Variants in ADAMTS16 observed in about 807,000 individuals in gnomAD.
The protein encoded by ADAMTS16 is A disintegrin and metalloproteinase with thrombospondin motifs 16.
A neutral mutation model predicts 145.8 loss-of-function variants in ADAMTS16; 94 were observed. The ratio of observed to expected loss-of-function variants is 0.64; its 90% CI spans 0.55 to 0.77. The LOEUF (loss-of-function observed/expected upper bound fraction) is 0.77. Among genes scored for constraint, ADAMTS16 ranks in the 30% least tolerant of loss-of-function variants. The pLI is 0.00. For synonymous variants in ADAMTS16, 659 were observed against 604.3 expected, an observed-to-expected ratio of 1.09 and a Z score of -1.33; for missense variants, 1,585 against 1,591.5, an observed-to-expected ratio of 1.00 and a Z score of 0.07.
At chr5:5,239,066 G>C in intron 14 of ADAMTS16, 85 bp from the exon 15 acceptor site, 1 of 1,358,786 alleles carries the variant, frequency 7.4e-7, no homozygotes, top group African/African-American at 1.5e-5. Flanking sequence ...CTAGTGGGGA[G>C]GAGGTTTCTT....
At chr5:5,186,280 C>G (rs929397139) in intron 5 of ADAMTS16, 29 bp downstream of exon 5, 2 of 1,594,566 alleles carry the variant, frequency 1.3e-6, no homozygotes, top group Non-Finnish European at 1.7e-6. Flanking sequence ...TTGAGGCCAC[C>G]TGTGTCATTG....
chr5:5,195,659 G>T (rs1456937018), intron 8 of ADAMTS16, among the ~76,000 whole-genome samples: 1 of 152,160 alleles, frequency 6.6e-6, no homozygotes, highest in Non-Finnish European at 1.5e-5. Flanking sequence ...GACCATTGAG[G>T]TGCTATAAAA....
chr5:5,211,153 AG>A (rs1736263787), intron 10 of ADAMTS16, among the ~76,000 whole-genome samples: 1 of 152,186 alleles, frequency 6.6e-6, no homozygotes, highest in Admixed American at 6.5e-5. Context: ...AGTTTGTAAA[AG>A]ATTGGTGTTG....
At chr5:5,256,048 T>C (rs1397434257) in intron 17 of ADAMTS16, among the ~76,000 whole-genome samples, 1 of 152,230 alleles carries the variant, frequency 6.6e-6, no homozygotes, top group African/African-American at 2.4e-5. Flanking sequence ...CTGATCTTCT[T>C]TTTGCTCTAT....
At chr5:5,214,902 T>C (rs12654769) in intron 10 of ADAMTS16, among the ~76,000 whole-genome samples, 8,667 of 152,260 alleles carry the variant, frequency 0.057, 295 homozygotes, top group East Asian at 0.09. Context: ...AAAGGGCCTA[T>C]TTTGTTCAGA....
intron 9 of ADAMTS16, among the ~76,000 whole-genome samples, chr5:5,202,349 C>A (rs1346423383): frequency 6.6e-6 from 1 of 152,062 alleles, no homozygotes; most frequent in Non-Finnish European, 1.5e-5. Context: ...AACCTGTATT[C>A]TGGGAATATA....
chr5:5,269,767 G>C lies in ADAMTS16; in HGVS notation c.2789+6984G>C, dbSNP rs1414563086. Reference sequence around the variant, plus strand: ...CTACGCTTGGTCTTTCTGGTATTGAGAGATTTGGAGCTGAAGACATCCCTG... The same window carrying C: ...CTACGCTTGGTCTTTCTGGTATTGACAGATTTGGAGCTGAAGACATCCCTG... On this transcript the variant is annotated intron_variant, in intron 18 of 22. Transcript: ENST00000274181. The surrounding 1 kb of genome is among the most constrained non-coding windows in gnomAD (Gnocchi z 4.3). 2.0e-5 allele frequency among the ~76,000 whole-genome samples: 3 copies of C among 152,188 alleles called. No individual in the cohort carries two copies. Among genetic ancestry groups the C allele is most frequent in the African/African-American group, 7.2e-5 (3 of 41,446 alleles).
At chr5:5,159,196 C>T (rs1734680072) in intron 3 of ADAMTS16, among the ~76,000 whole-genome samples, 2 of 152,310 alleles carry the variant, frequency 1.3e-5, no homozygotes, top group South Asian at 4.1e-4. Flanking sequence ...AACATGAACT[C>T]TACATGAGAA....
intron 3 of ADAMTS16, among the ~76,000 whole-genome samples, chr5:5,159,126 T>G (rs977084086): frequency 1.3e-5 from 2 of 152,220 alleles, no homozygotes; most frequent in Non-Finnish European, 2.9e-5. Flanking sequence ...CAACAAGCAC[T>G]TCAGAGAACC....
intron 18 of ADAMTS16, among the ~76,000 whole-genome samples, chr5:5,294,747 T>G (rs1318786073): frequency 6.6e-6 from 1 of 152,214 alleles, no homozygotes; most frequent in Non-Finnish European, 1.5e-5. Flanking sequence ...CTGTGTGATT[T>G]GGTGGGATCA....
chr5:5,282,544 C>G (rs1738960209), intron 18 of ADAMTS16, among the ~76,000 whole-genome samples: 1 of 152,236 alleles, frequency 6.6e-6, no homozygotes, highest in South Asian at 2.1e-4. Flanking sequence ...CCGCCCTTCC[C>G]TGTGGCGCTG....
rs542722052 is a variant in ADAMTS16 at position 5,182,423 on chromosome 5, C to T, written c.763+118C>T. The T allele has an allele frequency of 4.4e-5, 58 of 1,319,596 alleles. No individual in the cohort carries two copies. The South Asian group carries it at 4.8e-4, about 11-fold the overall frequency. 81.7% of individuals were successfully genotyped at this position (1,319,596 alleles called of 1,614,324 possible). A position where few individuals can be genotyped will look rare whatever the true frequency, so the allele number is the denominator to read the frequency against. On this transcript the variant is annotated intron_variant, in intron 4 of 22. Coordinates refer to ENST00000274181, the MANE Select transcript of ADAMTS16 (RefSeq NM_139056.4). ...CCACGGGGTGAAATCTATGGACTGT[C>T]GTTGCTAAACTGAAGCAATGATTCC...
intron 3 of ADAMTS16, among the ~76,000 whole-genome samples, chr5:5,163,167 A>G (rs1048891925): frequency 6.6e-6 from 1 of 152,168 alleles, no homozygotes; most frequent in African/African-American, 2.4e-5. Context: ...TGTGGAGAAA[A>G]ATATGTAACT....
chr5:5,277,914 C>A (rs1001893523), intron 18 of ADAMTS16, among the ~76,000 whole-genome samples: 1 of 151,838 alleles, frequency 6.6e-6, no homozygotes, highest in Non-Finnish European at 1.5e-5. Context: ...CCTGGGAGGT[C>A]AAGGGTGCAG....
At chr5:5,146,645 CAGTGTGCA>C (rs1734305738) in intron 3 of ADAMTS16, among the ~76,000 whole-genome samples, 190 bp downstream of exon 3, 1 of 152,218 alleles carries the variant, frequency 6.6e-6, no homozygotes, top group South Asian at 2.1e-4. Context: ...TATTTGGAAA[CAGTGTGCA>C]CACCCACCCT....
At chr5:5,277,760 G>C (rs1331423817) in intron 18 of ADAMTS16, among the ~76,000 whole-genome samples, 2 of 152,186 alleles carry the variant, frequency 1.3e-5, no homozygotes, top group African/African-American at 2.4e-5. Context: ...AGGATCGCTT[G>C]AGATAGGAGT....
At chr5:5,224,050 G>A (rs972407269) in intron 11 of ADAMTS16, among the ~76,000 whole-genome samples, 4 of 151,892 alleles carry the variant, frequency 2.6e-5, no homozygotes, top group African/African-American at 7.3e-5. Flanking sequence ...GCTAACACAC[G>A]TTTTCAGGTT....
chr5:5,144,476 A>T (rs1579268330), intron 2 of ADAMTS16, among the ~76,000 whole-genome samples: 1 of 152,212 alleles, frequency 6.6e-6, no homozygotes, highest in South Asian at 2.1e-4. Flanking sequence ...ATGGTAATTT[A>T]GTTACCAATT....
At chr5:5,226,470 C>T (rs1736769850) in intron 11 of ADAMTS16, among the ~76,000 whole-genome samples, 1 of 152,160 alleles carries the variant, frequency 6.6e-6, no homozygotes, top group African/African-American at 2.4e-5. Context: ...CCTCCCGTGA[C>T]ACATGGGAAC....
Sources: allele counts gnomAD v4.1 joint callset (sites outside exome capture counted in the v4.1 genomes callset), GRCh38; gene constraint gnomAD v4.1.1; non-coding constraint Gnocchi (gnomAD v3.1); transcripts MANE v1.5; gene names NCBI Gene and HGNC (gene_info 2026-07-23, HGNC 2026-07-21).